The following KALRN variants were observed in gnomAD, a reference collection of about 807,000 sequenced individuals.
KALRN encodes the protein kalirin RhoGEF kinase.
Under a neutral mutation model 353.7 loss-of-function variants are expected in KALRN, and 70 were observed. That is an observed-to-expected ratio of 0.20 (90% confidence interval 0.16 to 0.24). The LOEUF is 0.24. KALRN is among the 10% of genes least tolerant of loss of function. The pLI is 1.00. For synonymous variants in KALRN, 1,391 were observed against 1,434.8 expected (o/e 0.97, Z 0.69); for missense variants, 2,791 against 3,756.7 (o/e 0.74, Z 6.72).
intron 34 of KALRN, among the ~76,000 whole-genome samples, chr3:124,582,605 A>G (rs558309621): frequency 3.9e-5 from 6 of 152,330 alleles, no homozygotes; most frequent in African/African-American, 1.2e-4. Context: ...CTACTTTACA[A>G]GGTTTTTTTA....
chr3:124,454,558 T>C (rs2059113461), intron 21 of KALRN, among the ~76,000 whole-genome samples: 1 of 152,236 alleles, frequency 6.6e-6, no homozygotes, highest in East Asian at 1.9e-4. Context: ...TCCACTGTAC[T>C]AAGCATTCTA....
At chr3:124,714,703 G>A (rs893830) in intron 58 of KALRN, among the ~76,000 whole-genome samples, 34,879 of 152,050 alleles carry the variant, frequency 0.23, 4,655 homozygotes, top group East Asian at 0.42. Context: ...TAGTTTATAG[G>A]AGGCAGAGGT....
intron 31 of KALRN, 78 bp downstream of exon 31, chr3:124,491,502 C>T (rs2063155965): frequency 3.8e-6 from 4 of 1,058,022 alleles, no homozygotes; most frequent in Non-Finnish European, 5.4e-6. Flanking sequence ...CACCTCAAAG[C>T]TAAGGCCCAG....
chr3:124,223,690 AG>A (rs1487622955), intron 1 of KALRN, among the ~76,000 whole-genome samples: 3 of 152,194 alleles, frequency 2.0e-5, no homozygotes, highest in Admixed American at 1.3e-4. Flanking sequence ...ATGGAACACA[AG>A]GCACCCAGGT....
chr3:124,048,248 A>G (rs2040694211), intron 1 of KALRN, among the ~76,000 whole-genome samples: 2 of 152,192 alleles, frequency 1.3e-5, no homozygotes, highest in South Asian at 4.1e-4. Context: ...TATTTACACA[A>G]AACAAAAGTA....
In KALRN at chr3:124,109,693, A is replaced by G. The variant is rs35811668; in HGVS notation, c.73+75880A>G. 4.2e-3 allele frequency among the ~76,000 whole-genome samples: 618 copies of G among 147,374 alleles called. 3 individuals are homozygous for G. The highest frequency in any genetic ancestry group is 8.1e-3 in the African/African-American group (314 of 38,656). On this transcript the variant is annotated intron_variant, in intron 1 of 59. Coordinates refer to ENST00000682506, the MANE Select transcript of KALRN (RefSeq NM_001388419.1). ...ACTTTGATATACATATCATATATATATCATACTTTGATATATATATGACAT... is the reference window on the plus strand; with the variant it reads ...ACTTTGATATACATATCATATATATGTCATACTTTGATATATATATGACAT...
rs571815044 is a variant in KALRN, at chr3:124,422,144, A to G, written c.2543-668A>G. On this transcript the variant is annotated intron_variant, in intron 14 of 59. Coordinates refer to ENST00000682506, the MANE Select transcript of KALRN (RefSeq NM_001388419.1). ...GATAAGCACTCATTATCCCTGTGGT[A>G]TTGCTGGGTTGTATTTATTAGGTGT... Among the ~76,000 whole-genome samples the G allele has an allele frequency of 1.2e-4, 18 of 152,276 alleles. No individual in the cohort carries two copies. The South Asian group carries it at 1.7e-3, about 14-fold the overall frequency.
chr3:124,196,332 A>G (rs1329611645), intron 1 of KALRN, among the ~76,000 whole-genome samples: 1 of 152,170 alleles, frequency 6.6e-6, no homozygotes, highest in Non-Finnish European at 1.5e-5. Flanking sequence ...TACTGCTGTT[A>G]TTACAGATAA....
chr3:124,381,104 T>C (rs572042753), intron 10 of KALRN, among the ~76,000 whole-genome samples: 1 of 152,304 alleles, frequency 6.6e-6, no homozygotes, highest in East Asian at 1.9e-4. Context: ...TAGATCAATC[T>C]AGGAGTCCAG....
chr3:124,550,658 A>T (rs978315170), intron 33 of KALRN, among the ~76,000 whole-genome samples: 1 of 151,276 alleles, frequency 6.6e-6, no homozygotes, highest in Non-Finnish European at 1.5e-5. Context: ...CTCTGCCTTT[A>T]CTCTTTTTGT....
intron 1 of KALRN, among the ~76,000 whole-genome samples, chr3:124,194,347 G>C (rs1055234379): frequency 2.6e-5 from 4 of 152,110 alleles, no homozygotes. Context: ...GGAACTCCAG[G>C]GTTAGGAGGC....
At chr3:124,140,732 C>T (rs538093575) in intron 1 of KALRN, among the ~76,000 whole-genome samples, 70 of 152,224 alleles carry the variant, frequency 4.6e-4, no homozygotes, top group Non-Finnish European at 9.6e-4. Flanking sequence ...TCCCATTCTC[C>T]CTGTGACTTC....
At chr3:124,418,769 G>A (rs148151921) in intron 14 of KALRN, among the ~76,000 whole-genome samples, 87 of 152,340 alleles carry the variant, frequency 5.7e-4, no homozygotes, top group African/African-American at 2.0e-3. Flanking sequence ...ATTCTGCTGA[G>A]TGTAGCAGAA....
Position 124,298,932 on chromosome 3 carries a change from C to G in KALRN, c.1092+19C>G. On this transcript the variant is annotated intron_variant, in intron 6 of 59. Coordinates refer to ENST00000682506, the MANE Select transcript of KALRN (RefSeq NM_001388419.1). ...CTCCATGGTGAGCTGAGGGGCTGTT[C>G]TCAGCACTGCCTCTGGGAGTGGGAG... is the stretch of plus-strand genomic sequence containing the variant. The G allele has an allele frequency of 1.2e-6, 2 of 1,614,018 alleles. No individual in the cohort carries two copies. The highest frequency in any genetic ancestry group is 2.2e-5 in the South Asian group (2 of 91,066).
intron 56 of KALRN, 40 bp from the exon 57 acceptor site, chr3:124,701,998 A>G (rs1301416032): frequency 6.7e-7 from 1 of 1,500,102 alleles, no homozygotes; most frequent in African/African-American, 1.4e-5. Context: ...TTCTTATATG[A>G]CATCCTCGAT....
chr3:124,645,654 C>CGTG (rs1559756643), intron 37 of KALRN, among the ~76,000 whole-genome samples: 3 of 135,774 alleles, frequency 2.2e-5, no homozygotes, highest in African/African-American at 7.9e-5. Context: ...CTCTCTCTCT[C>CGTG]TCTCTGTGCG....
chr3:124,343,360 A>G (rs1453133079), intron 9 of KALRN, among the ~76,000 whole-genome samples: 1 of 152,010 alleles, frequency 6.6e-6, no homozygotes, highest in Non-Finnish European at 1.5e-5. Flanking sequence ...GAGTTTTGCC[A>G]TGTTACAGAG....
intron 1 of KALRN, among the ~76,000 whole-genome samples, chr3:124,145,038 C>A (rs1445339713): frequency 6.6e-6 from 1 of 152,034 alleles, no homozygotes; most frequent in African/African-American, 2.4e-5. Flanking sequence ...TTCCTAGGGA[C>A]CAGTGTTTGA....
chr3:124,688,504 C>T (rs924004813), intron 51 of KALRN, among the ~76,000 whole-genome samples: 1 of 151,824 alleles, frequency 6.6e-6, no homozygotes, highest in Non-Finnish European at 1.5e-5. Flanking sequence ...CCTTTCCTGC[C>T]TACTCTGAAT....
Sources: gnomAD v4.1 joint callset for allele counts (sites outside exome capture counted in the v4.1 genomes callset) on GRCh38, gnomAD v4.1.1 for gene constraint, MANE v1.5 for transcripts, NCBI Gene and HGNC (gene_info 2026-07-23, HGNC 2026-07-21) for gene names.